Variants in DLG2 observed in about 807,000 individuals in gnomAD.
The protein encoded by DLG2 is discs large MAGUK scaffold protein 2.
A neutral mutation model predicts 132.5 loss-of-function variants in DLG2; 45 were observed. The observed-to-expected ratio is 0.34, with a 90% CI of 0.27 to 0.44. The LOEUF (loss-of-function observed/expected upper bound fraction) is 0.44, where lower values mean the gene tolerates loss of function less well. Among genes scored for constraint, DLG2 ranks in the 20% least tolerant of loss-of-function variants. The pLI is 1.00. For missense variants in DLG2, 1,045 were observed against 1,196.9 expected, an observed-to-expected ratio of 0.87 and a Z score of 1.87; for synonymous variants, 424 against 419.6, an observed-to-expected ratio of 1.01 and a Z score of -0.13.
chr11:85,435,470 A>C (rs1232144172), intron 3 of DLG2, among the ~76,000 whole-genome samples: 1 of 152,052 alleles, frequency 6.6e-6, no homozygotes, highest in African/African-American at 2.4e-5. Context: ...AAAGTCTCAG[A>C]ATACAAAATT....
At chr11:83,779,448 GATGCAGT>G (rs2094717706) in intron 18 of DLG2, among the ~76,000 whole-genome samples, 1 of 152,140 alleles carries the variant, frequency 6.6e-6, no homozygotes, top group Admixed American at 6.5e-5. Context: ...AAATGAAAGT[GATGCAGT>G]ATGCCCGAGA....
intron 3 of DLG2, among the ~76,000 whole-genome samples, chr11:85,510,702 C>A (rs1458092729): frequency 6.6e-6 from 1 of 152,082 alleles, no homozygotes; most frequent in East Asian, 1.9e-4. Flanking sequence ...GAATGGTGAT[C>A]ATTAAAAAGT....
At chr11:84,185,808 T>C (rs1440132787) in intron 8 of DLG2, among the ~76,000 whole-genome samples, 1 of 152,198 alleles carries the variant, frequency 6.6e-6, no homozygotes, top group Non-Finnish European at 1.5e-5. Flanking sequence ...TCAAAGGCCT[T>C]TCCTGCATCT....
intron 4 of DLG2, among the ~76,000 whole-genome samples, chr11:85,174,466 A>C (rs2079083486): frequency 6.6e-6 from 1 of 152,202 alleles, no homozygotes; most frequent in South Asian, 2.1e-4. Context: ...CAACTAAAGC[A>C]GTGTTAAAAG....
chr11:85,505,933 C>A (rs1465678645), intron 3 of DLG2, among the ~76,000 whole-genome samples: 1 of 152,118 alleles, frequency 6.6e-6, no homozygotes. Flanking sequence ...TAACTTCTTC[C>A]TGGTTTAGTC....
intron 21 of DLG2, among the ~76,000 whole-genome samples, chr11:83,504,383 C>A (rs1592027187): frequency 6.6e-6 from 1 of 152,314 alleles, no homozygotes; most frequent in South Asian, 2.1e-4. Context: ...CACAGTAATA[C>A]TAAGAGACAC....
chr11:84,855,403 G>A (rs2082649435), intron 6 of DLG2, among the ~76,000 whole-genome samples: 1 of 152,032 alleles, frequency 6.6e-6, no homozygotes, highest in Non-Finnish European at 1.5e-5. Flanking sequence ...AAAATGAAAT[G>A]CCTTGTTTCT....
At chr11:83,546,203 T>C (rs1365483801) in intron 19 of DLG2, among the ~76,000 whole-genome samples, 1 of 152,146 alleles carries the variant, frequency 6.6e-6, no homozygotes, top group Non-Finnish European at 1.5e-5. Context: ...GATACCTGGG[T>C]ACCCTAACAA....
chr11:83,849,869 T>C (rs1408994495), intron 16 of DLG2, among the ~76,000 whole-genome samples: 2 of 151,886 alleles, frequency 1.3e-5, no homozygotes, highest in South Asian at 2.1e-4. Context: ...GAACTCCCTT[T>C]CCCCCGGCCT....
intron 18 of DLG2, among the ~76,000 whole-genome samples, chr11:83,673,275 G>A (rs1287028972): frequency 6.6e-6 from 1 of 152,084 alleles, no homozygotes; most frequent in African/African-American, 2.4e-5. Flanking sequence ...TAATAAATAG[G>A]CTCGCTCTTT....
chr11:84,725,243 T>C (rs955040945), intron 6 of DLG2, among the ~76,000 whole-genome samples: 5 of 152,170 alleles, frequency 3.3e-5, no homozygotes, highest in Non-Finnish European at 7.4e-5. Context: ...CTCTCTATAA[T>C]AGTGTTTGTT....
At chr11:84,901,068 A>G (rs530216116) in intron 6 of DLG2, among the ~76,000 whole-genome samples, 12 of 152,082 alleles carry the variant, frequency 7.9e-5, no homozygotes, top group Non-Finnish European at 1.2e-4. Context: ...AATGTTTTTA[A>G]TGTAAAAGAA....
chr11:84,713,372 T>A (rs2060659046), intron 6 of DLG2, among the ~76,000 whole-genome samples: 1 of 152,086 alleles, frequency 6.6e-6, no homozygotes, highest in Admixed American at 6.6e-5. Context: ...CTGTAAAGAT[T>A]AAGTGAGTTG....
At chr11:84,222,555 C>A (rs1420437172) in intron 8 of DLG2, among the ~76,000 whole-genome samples, 1 of 152,176 alleles carries the variant, frequency 6.6e-6, no homozygotes, top group Non-Finnish European at 1.5e-5. Context: ...AAAATCTTTT[C>A]TGAGCAGGAA....
chr11:85,129,074 G>A (rs146715673), intron 5 of DLG2, among the ~76,000 whole-genome samples: 19 of 152,192 alleles, frequency 1.2e-4, no homozygotes, highest in Admixed American at 9.8e-4. Flanking sequence ...TCCAAGTCTC[G>A]CTCCAGTATC....
intron 6 of DLG2, among the ~76,000 whole-genome samples, chr11:84,740,479 G>C (rs2064456468): frequency 6.6e-6 from 1 of 152,110 alleles, no homozygotes; most frequent in Admixed American, 6.5e-5. Flanking sequence ...ACGAGGTGTA[G>C]ATGTGCTAAG....
chr11:85,175,492 C>T (rs565162461), intron 4 of DLG2, among the ~76,000 whole-genome samples: 4 of 152,086 alleles, frequency 2.6e-5, no homozygotes, highest in Non-Finnish European at 5.9e-5. Context: ...CATGACAAAC[C>T]CCCAGCCAAT....
intron 3 of DLG2, among the ~76,000 whole-genome samples, chr11:85,499,508 C>G (rs562409666): frequency 2.0e-5 from 3 of 152,144 alleles, no homozygotes; most frequent in African/African-American, 7.2e-5. Flanking sequence ...CCAGATTCAA[C>G]CAGAGTTACA....
chr11:85,503,625 G>C (rs1028174644), intron 3 of DLG2, among the ~76,000 whole-genome samples: 1 of 152,016 alleles, frequency 6.6e-6, no homozygotes, highest in Non-Finnish European at 1.5e-5. Context: ...AGTGGAACTG[G>C]TGGCTTTATA....
Sources: allele counts gnomAD v4.1 joint callset (sites outside exome capture counted in the v4.1 genomes callset), GRCh38; gene constraint gnomAD v4.1.1; transcripts MANE v1.5; gene names NCBI Gene and HGNC (gene_info 2026-07-23, HGNC 2026-07-21).